SRFBP1: variants seen among roughly 807,000 people sequenced by gnomAD.
The protein encoded by SRFBP1 is serum response factor-binding protein 1.
Under a neutral mutation model 45.5 loss-of-function variants are expected in SRFBP1, and 47 were observed. The observed-to-expected ratio is 1.03, with a 90% CI of 0.82 to 1.32. SRFBP1 has a LOEUF of 1.32. SRFBP1 is among the 40% of genes most tolerant of loss of function. The pLI, the probability that SRFBP1 is intolerant of heterozygous loss-of-function variation, is 0.00. For missense variants in SRFBP1, 621 were observed against 484.6 expected, an observed-to-expected ratio of 1.28 and a Z score of -2.64; for synonymous variants, 203 against 166.3, an observed-to-expected ratio of 1.22 and a Z score of -1.70.
chr5:122,017,164 G>A (rs1051926590), intron 4 of SRFBP1, among the ~76,000 whole-genome samples: 3 of 152,138 alleles, frequency 2.0e-5, no homozygotes, highest in African/African-American at 7.2e-5. Flanking sequence ...GGGAGGCGGA[G>A]GTTGCAGTAA....
At chr5:122,044,896 C>A (rs1039205451) in intron 2 of SRFBP1, among the ~76,000 whole-genome samples, 8 of 152,202 alleles carry the variant, frequency 5.3e-5, no homozygotes, top group African/African-American at 1.7e-4. Context: ...GTTTTTCTTG[C>A]AATTACTTTC....
chr5:122,044,122 C>T (rs749623660), intron 2 of SRFBP1, among the ~76,000 whole-genome samples: 1 of 152,132 alleles, frequency 6.6e-6, no homozygotes. Context: ...ATTTTCTGTT[C>T]CTGTGTTAGT....
At chr5:121,982,065 T>C (rs1752419892) in intron 3 of SRFBP1, among the ~76,000 whole-genome samples, 1 of 151,940 alleles carries the variant, frequency 6.6e-6, no homozygotes, top group Non-Finnish European at 1.5e-5. Context: ...GAAGAATCTG[T>C]AATCAGAAGC....
chr5:122,042,061 TTTG>T (rs530362369), intron 2 of SRFBP1, among the ~76,000 whole-genome samples: 11 of 152,220 alleles, frequency 7.2e-5, no homozygotes, highest in African/African-American at 2.4e-4. Context: ...GATATGATTT[TTTG>T]TTGTTCTTTA....
At chr5:122,019,393 G>A (rs753499529) in intron 5 of SRFBP1, 52 bp downstream of exon 5, 2 of 1,361,138 alleles carry the variant, frequency 1.5e-6, no homozygotes, top group African/African-American at 1.5e-5. Context: ...TGTAGACTTT[G>A]GATAATGGCT....
At chr5:122,035,218 C>T (rs1335580928) in intron 2 of SRFBP1, among the ~76,000 whole-genome samples, 1 of 151,994 alleles carries the variant, frequency 6.6e-6, no homozygotes, top group East Asian at 1.9e-4. Context: ...TTGTATCTTT[C>T]CTACAGCAGC....
intron 2 of SRFBP1, among the ~76,000 whole-genome samples, chr5:122,060,066 T>C (rs1170042819): frequency 6.6e-6 from 1 of 152,102 alleles, no homozygotes; most frequent in African/African-American, 2.4e-5. Context: ...TAAAATGCCC[T>C]ACTAAGACTT....
intron 4 of SRFBP1, among the ~76,000 whole-genome samples, chr5:122,001,544 A>ATTTTT (rs1401920985): frequency 8.0e-6 from 1 of 125,090 alleles, no homozygotes; most frequent in African/African-American, 3.1e-5. Flanking sequence ...ATCCTTTGGT[A>ATTTTT]TCTTTTTTTT....
At chr5:122,034,849 A>G (rs1281985880) in intron 2 of SRFBP1, among the ~76,000 whole-genome samples, 1 of 151,814 alleles carries the variant, frequency 6.6e-6, no homozygotes, top group Non-Finnish European at 1.5e-5. Context: ...TTGATACTTA[A>G]AAGAACCATG....
chr5:122,056,581 A>G (rs1015792786), intron 2 of SRFBP1, among the ~76,000 whole-genome samples: 3 of 152,148 alleles, frequency 2.0e-5, no homozygotes, highest in Admixed American at 2.0e-4. Flanking sequence ...GGAGCTATTT[A>G]TTGCTTGGTG....
intron 3 of SRFBP1, among the ~76,000 whole-genome samples, chr5:121,976,127 ACT>A (rs1491386341): frequency 2.6e-5 from 4 of 151,110 alleles, no homozygotes; most frequent in East Asian, 1.9e-4. Context: ...GAGAAATAAA[ACT>A]CTCTAACTAT....
In SRFBP1 at chr5:122,071,827, G is replaced by T. The variant is rs2152588268; in HGVS notation, n.312-3488G>T. On this transcript the variant is annotated intron_variant and non_coding_transcript_variant, in intron 2 of 2. Transcript: ENST00000504881. ...ACCTTAGCATGCTCTACCAATGCTG[G>T]TTTAGCTGTAGCTTGATTTGGGAAG... is the stretch of plus-strand genomic sequence containing the variant. 2.0e-5 allele frequency among the ~76,000 whole-genome samples: 3 copies of T among 152,236 alleles called. No homozygotes were observed. In the East Asian group the frequency reaches 5.8e-4, roughly 29 times the overall value.
downstream of SRFBP1, among the ~76,000 whole-genome samples, chr5:122,032,926 G>GT (rs763211372): frequency 2.0e-5 from 3 of 151,674 alleles, no homozygotes; most frequent in South Asian, 2.1e-4. Context: ...TGACCTCTTT[G>GT]TTTTTTTTAT....
In SRFBP1 at chr5:121,974,505, T is replaced by C. The variant is rs1580500180; in HGVS notation, c.125+221T>C. The stretch of plus-strand genomic sequence containing the variant: ...CATTGCTCAAGATACAGGATGAATT[T>C]TTTTGCTGCTTTTGCAAAACTCTCT... On this transcript the variant is annotated intron_variant, in intron 2 of 7. Transcript: ENST00000339397. Among the ~76,000 whole-genome samples the C allele has an allele frequency of 2.0e-5, 3 of 152,042 alleles. No homozygotes were observed. The South Asian group carries it at 6.2e-4, about 31-fold the overall frequency.
intron 2 of SRFBP1, among the ~76,000 whole-genome samples, chr5:122,049,289 A>C (rs1753924577): frequency 6.6e-6 from 1 of 152,210 alleles, no homozygotes; most frequent in Non-Finnish European, 1.5e-5. Context: ...AGGCCATTAC[A>C]TAATGGTAAA....
At chr5:122,074,320 G>GA in intron 2 of SRFBP1, 1 of 619,192 alleles carries the variant, frequency 1.6e-6, no homozygotes, top group Admixed American at 3.0e-5. Flanking sequence ...TCATGCTAGG[G>GA]TTTTTTTTTC....
intron 4 of SRFBP1, among the ~76,000 whole-genome samples, chr5:121,999,050 T>C (rs897592056): frequency 6.6e-6 from 1 of 152,196 alleles, no homozygotes; most frequent in Non-Finnish European, 1.5e-5. Context: ...TGTGTTTTTT[T>C]CTGGTTTCTT....
At chr5:122,025,479 T>G (rs1473007491) in intron 7 of SRFBP1, among the ~76,000 whole-genome samples, 1 of 152,176 alleles carries the variant, frequency 6.6e-6, no homozygotes, top group African/African-American at 2.4e-5. Context: ...ATATACCCAA[T>G]AATAGGATGG....
At chr5:122,021,849 GT>G (rs573714008) in intron 6 of SRFBP1, among the ~76,000 whole-genome samples, 36 of 142,272 alleles carry the variant, frequency 2.5e-4, no homozygotes, top group East Asian at 4.1e-4. Flanking sequence ...GCTAATTTTT[GT>G]TTTTTTTTTG....
Sources: allele counts gnomAD v4.1 joint callset (sites outside exome capture counted in the v4.1 genomes callset), GRCh38; gene constraint gnomAD v4.1.1; transcripts MANE v1.5; gene names NCBI Gene and HGNC (gene_info 2026-07-23, HGNC 2026-07-21).